The following SLC14A2 variants were observed in gnomAD, a reference collection of about 807,000 sequenced individuals.
SLC14A2 encodes the protein urea transporter 2.
Under a neutral mutation model 104.6 loss-of-function variants are expected in SLC14A2, and 91 were observed. The ratio of observed to expected loss-of-function variants is 0.87; its 90% CI spans 0.73 to 1.04. The LOEUF is 1.04. Ranked by LOEUF, SLC14A2 falls within the 50% of genes least tolerant of loss-of-function variation. The pLI, the probability that SLC14A2 is intolerant of heterozygous loss-of-function variation, is 0.00. For missense variants in SLC14A2, 1,189 were observed against 1,156.0 expected (o/e 1.03, Z -0.41); for synonymous variants, 476 against 466.4 (o/e 1.02, Z -0.27).
chr18:45,333,966 G>T (rs2085314015), intron 1 of SLC14A2, among the ~76,000 whole-genome samples: 1 of 152,114 alleles, frequency 6.6e-6, no homozygotes, highest in Admixed American at 6.5e-5. Flanking sequence ...TACTGTACAT[G>T]GTGGTATACC....
chr18:45,568,629 C>A (rs527934443), intron 2 of SLC14A2, among the ~76,000 whole-genome samples: 1 of 152,328 alleles, frequency 6.6e-6, no homozygotes, highest in African/African-American at 2.4e-5. Context: ...GAGGTACCAG[C>A]AACATTCAAG....
At chr18:45,180,351 T>C in the SLC14A2 span, among the ~76,000 whole-genome samples, 13 of 152,160 alleles carry the variant, frequency 8.5e-5, no homozygotes, top group African/African-American at 3.1e-4. Context: ...TGAGTTATTA[T>C]TCTAATGTAC....
intron 1 of SLC14A2, among the ~76,000 whole-genome samples, chr18:45,363,925 A>G (rs1424501522): frequency 2.6e-5 from 4 of 152,094 alleles, no homozygotes; most frequent in African/African-American, 9.7e-5. Context: ...GTACCCCTTG[A>G]CCTGGGCCTC....
At chr18:45,321,679 G>A (rs958603547) in intron 1 of SLC14A2, among the ~76,000 whole-genome samples, 3 of 152,176 alleles carry the variant, frequency 2.0e-5, no homozygotes, top group Admixed American at 1.3e-4. Flanking sequence ...GCAGAGTCCG[G>A]GGGATGCTGT....
At chr18:45,296,925 T>C (rs989744542) in intron 1 of SLC14A2, among the ~76,000 whole-genome samples, 11 of 152,230 alleles carry the variant, frequency 7.2e-5, no homozygotes, top group Non-Finnish European at 1.5e-4. Context: ...GCCTCTTTGA[T>C]AGCTTCTTTT....
chr18:45,222,438 C>A (rs763341231), intron 1 of SLC14A2, among the ~76,000 whole-genome samples: 21 of 152,268 alleles, frequency 1.4e-4, no homozygotes, highest in Non-Finnish European at 2.8e-4. Flanking sequence ...GGTCACCATA[C>A]TGAGACTGAC....
intron 1 of SLC14A2, among the ~76,000 whole-genome samples, chr18:45,279,456 TGAC>T (rs1410786044): frequency 1.3e-5 from 2 of 152,156 alleles, no homozygotes; most frequent in African/African-American, 4.8e-5. Context: ...AGCAGGGACT[TGAC>T]AGTATTTTTC....
chr18:45,664,336 A>G (rs550094945), intron 11 of SLC14A2, among the ~76,000 whole-genome samples: 2 of 152,368 alleles, frequency 1.3e-5, no homozygotes, highest in Admixed American at 1.3e-4. Context: ...CCAAGGGCAC[A>G]GGTAGAGACC....
intron 1 of SLC14A2, among the ~76,000 whole-genome samples, chr18:45,277,265 T>C (rs1356206618): frequency 6.6e-6 from 1 of 152,206 alleles, no homozygotes; most frequent in East Asian, 1.9e-4. Flanking sequence ...GATTGTCAGA[T>C]GCATCCTTAA....
intron 1 of SLC14A2, chr18:45,436,828 G>A (rs2086603589): frequency 6.6e-6 from 1 of 152,098 alleles, no homozygotes; most frequent in Non-Finnish European, 1.5e-5. Context: ...AAAGCTGTGG[G>A]AGTAGAAAAG....
intron 2 of SLC14A2, among the ~76,000 whole-genome samples, chr18:45,583,378 A>G (rs2044525515): frequency 6.6e-6 from 1 of 152,128 alleles, no homozygotes; most frequent in Non-Finnish European, 1.5e-5. Flanking sequence ...CAAGCACTAC[A>G]GTCTGTCCTA....
At chr18:45,240,440 G>GC (rs1002270926) in intron 1 of SLC14A2, among the ~76,000 whole-genome samples, 1 of 151,828 alleles carries the variant, frequency 6.6e-6, no homozygotes, top group Admixed American at 6.6e-5. Flanking sequence ...TGGATAGGAT[G>GC]CCCAGTATAT....
At chr18:45,331,593 A>T (rs2085291124) in intron 1 of SLC14A2, among the ~76,000 whole-genome samples, 1 of 151,830 alleles carries the variant, frequency 6.6e-6, no homozygotes, top group Admixed American at 6.6e-5. Context: ...CGGGAGGCTG[A>T]GGCAGGAGAA....
chr18:45,412,477 G>A (rs1409104681), intron 1 of SLC14A2, among the ~76,000 whole-genome samples: 1 of 152,118 alleles, frequency 6.6e-6, no homozygotes, highest in Non-Finnish European at 1.5e-5. Context: ...GGCTCAAACT[G>A]GGGACTTTCA....
rs372466685 is a variant in SLC14A2 at position 45,666,163 on chromosome 18, A to G, written c.1501A>G (p.Arg501Gly). The change falls in exon 12 of 20, where the codon AGA (arginine) becomes GGA (glycine). Residue 501 changes from arginine (R) to glycine (G), a missense_variant. Transcript: ENST00000255226. ...GTTTGGAAAAGGCGAACACCAGGAA[A>G]GACAAAACAAAGACCCATTTCCCTA... ...KVFGKGEHQE[R>G]QNKDPFPYRY... 1.3e-5 allele frequency: 21 copies of G among 1,613,932 alleles called. No homozygotes were observed. Among genetic ancestry groups the G allele is most frequent in the Non-Finnish European group, 1.8e-5 (21 of 1,179,820 alleles).
At chr18:45,525,119 C>A (rs1396719587) in intron 2 of SLC14A2, among the ~76,000 whole-genome samples, 1 of 114,796 alleles carries the variant, frequency 8.7e-6, no homozygotes, top group Non-Finnish European at 1.9e-5. Flanking sequence ...TTTTTGAAAT[C>A]TTTGCATATA....
intron 1 of SLC14A2, among the ~76,000 whole-genome samples, chr18:45,219,709 GC>G (rs1274910875): frequency 1.3e-5 from 2 of 152,146 alleles, no homozygotes; most frequent in Admixed American, 6.6e-5. Flanking sequence ...TCTTTAACCT[GC>G]GTTTTTAAAC....
intron 2 of SLC14A2, among the ~76,000 whole-genome samples, chr18:45,498,001 C>T (rs990510576): frequency 6.6e-6 from 1 of 152,144 alleles, no homozygotes. Context: ...ATGTTTCCTT[C>T]ATAGACTTAG....
At chr18:45,259,735 C>T (rs971264091) in intron 1 of SLC14A2, among the ~76,000 whole-genome samples, 7 of 152,000 alleles carry the variant, frequency 4.6e-5, no homozygotes, top group South Asian at 2.1e-4. Flanking sequence ...AAATGCTTAA[C>T]GAGAAGGGTA....
Sources: allele counts gnomAD v4.1 joint callset (sites outside exome capture counted in the v4.1 genomes callset), GRCh38; gene constraint gnomAD v4.1.1; transcripts MANE v1.5; gene names NCBI Gene and HGNC (gene_info 2026-07-23, HGNC 2026-07-21).